SPAM1: variants seen among roughly 807,000 people sequenced by gnomAD.
SPAM1 encodes hyaluronidase PH-20.
SPAM1 carries 22 observed loss-of-function variants against 29.6 expected under a neutral mutation model. The ratio of observed to expected loss-of-function variants is 0.74; its 90% confidence interval spans 0.53 to 1.06. The LOEUF (loss-of-function observed/expected upper bound fraction) is 1.06. SPAM1 is among the 50% of genes least tolerant of loss of function. The pLI is 0.00. For missense variants in SPAM1, 534 were observed against 604.0 expected (o/e 0.88, Z 1.21); for synonymous variants, 194 against 204.6 (o/e 0.95, Z 0.44).
intron 4 of SPAM1, among the ~76,000 whole-genome samples, chr7:123,959,100 C>T (rs1351360065): frequency 6.6e-6 from 1 of 151,928 alleles, no homozygotes; most frequent in Non-Finnish European, 1.5e-5. Flanking sequence ...TAAGAAATTC[C>T]CAAGTTCCTA....
intron 1 of SPAM1, among the ~76,000 whole-genome samples, chr7:123,939,165 A>C (rs1808347440): frequency 6.7e-6 from 1 of 149,640 alleles, no homozygotes. Context: ...GGCTCACTGC[A>C]AGCTCCGCCT....
At chr7:123,968,918 A>T (rs1256795851) in intron 5 of SPAM1, among the ~76,000 whole-genome samples, 1 of 152,058 alleles carries the variant, frequency 6.6e-6, no homozygotes, top group Non-Finnish European at 1.5e-5. Context: ...ATTTCAGCTC[A>T]TATTTTTTGA....
chr7:123,938,766 T>C (rs1459158667), intron 1 of SPAM1, among the ~76,000 whole-genome samples: 1 of 152,208 alleles, frequency 6.6e-6, no homozygotes, highest in Non-Finnish European at 1.5e-5. Context: ...TGCAAACCCA[T>C]AGCCCTCATT....
chr7:123,953,293 G>T (rs765929614), intron 2 of SPAM1, 72 bp from the exon 3 acceptor site: 10 of 314,396 alleles, frequency 3.2e-5, no homozygotes, highest in Non-Finnish European at 5.2e-5. Context: ...ACTTAAAGTT[G>T]AGAACTTGGT....
chr7:123,950,129 T>C (rs528105825), intron 2 of SPAM1, 146 bp downstream of exon 2: 1 of 152,198 alleles, frequency 6.6e-6, no homozygotes, highest in East Asian at 1.9e-4. Flanking sequence ...GGAATACTAG[T>C]GGAGAGATAA....
At chr7:123,927,537 G>A (rs1047181150) in intron 1 of SPAM1, among the ~76,000 whole-genome samples, 33 of 152,288 alleles carry the variant, frequency 2.2e-4, no homozygotes, top group Non-Finnish European at 4.4e-4. Context: ...AGATGGGCAA[G>A]GCTGATTCAA....
At chr7:123,960,288 C>T (rs546771006), downstream of SPAM1, among the ~76,000 whole-genome samples, 1 of 152,036 alleles carries the variant, frequency 6.6e-6, no homozygotes, top group East Asian at 1.9e-4. Context: ...TCATTCTGCA[C>T]AAGATACTGA....
At chr7:123,934,221 G>A (rs915253220) in intron 1 of SPAM1, among the ~76,000 whole-genome samples, 7 of 152,060 alleles carry the variant, frequency 4.6e-5, no homozygotes, top group African/African-American at 1.7e-4. Context: ...ATTAAGGGAT[G>A]CATAACTGTA....
intron 1 of SPAM1, among the ~76,000 whole-genome samples, chr7:123,927,439 A>G (rs1369272601): frequency 6.6e-6 from 1 of 152,202 alleles, no homozygotes; most frequent in African/African-American, 2.4e-5. Context: ...ATAGCGATTT[A>G]GCATGGGCAG....
chr7:123,960,942 AATT>A (rs1204994376), downstream of SPAM1, among the ~76,000 whole-genome samples: 2 of 151,972 alleles, frequency 1.3e-5, no homozygotes, highest in African/African-American at 4.8e-5. Flanking sequence ...AAATTAAAAA[AATT>A]ATTATACATT....
At chr7:123,964,314 T>A (rs1261939591), downstream of SPAM1, among the ~76,000 whole-genome samples, 2 of 151,860 alleles carry the variant, frequency 1.3e-5, no homozygotes, top group African/African-American at 2.4e-5. Context: ...ATACAGGATA[T>A]ATTTAATAAT....
downstream of SPAM1, among the ~76,000 whole-genome samples, chr7:123,964,781 G>GA (rs1036632479): frequency 6.6e-6 from 1 of 151,954 alleles, no homozygotes; most frequent in African/African-American, 2.4e-5. Flanking sequence ...GTAAAAGCAG[G>GA]AAAAACTGTT....
chr7:123,925,614 C>A (rs1219584812), intron 1 of SPAM1: 1 of 151,848 alleles, frequency 6.6e-6, no homozygotes, highest in African/African-American at 2.4e-5. Flanking sequence ...TGAGGAATAA[C>A]CTCAGTCGTT....
At chr7:123,965,855 T>C (rs1295279735) in intron 5 of SPAM1, among the ~76,000 whole-genome samples, 1 of 152,090 alleles carries the variant, frequency 6.6e-6, no homozygotes, top group African/African-American at 2.4e-5. Context: ...AATGATAGTT[T>C]AATGGGAATA....
chr7:123,937,583 A>AGAGC lies in SPAM1; in HGVS notation c.-319+12234_-319+12235insCGAG, dbSNP rs1464645886. On this transcript the variant is annotated intron_variant, in intron 1 of 4. Transcript: ENST00000682466. Reference sequence around the variant, plus strand: ...GCCACTGCACTCCAGCCTGGGCAACAGAGACTCCATCTCAAAAAAAAAAAA... The same window carrying AGAGC: ...GCCACTGCACTCCAGCCTGGGCAACAGAGCGAGACTCCATCTCAAAAAAAAAAAA... Among the ~76,000 whole-genome samples, 5 of 135,256 alleles carry AGAGC rather than the reference A, an allele frequency of 3.7e-5. No individual in the cohort carries two copies. In the South Asian group the frequency reaches 1.3e-3, roughly 36 times the overall value. 88.7% of individuals were successfully genotyped at this position (135,256 alleles called of 152,430 possible).
At position 123,955,133 on chromosome 7, in the gene SPAM1, T is replaced by C; in HGVS notation, c.1044+47T>C. 2.3e-6 allele frequency: 3 copies of C among 1,315,060 alleles called. No individual in the cohort carries two copies. In the Middle Eastern group the frequency reaches 5.5e-4, roughly 241 times the overall value. 81.5% of individuals were successfully genotyped at this position (1,315,060 alleles called of 1,614,324 possible). A position where few individuals can be genotyped will look rare whatever the true frequency, so the allele number is the denominator to read the frequency against. ...TAGGTGAAAATATTTCTATGTTTAA[T>C]GTTTTTGGGGATTGTTTTGGTATTA... is the stretch of plus-strand genomic sequence containing the variant. On this transcript the variant is annotated intron_variant, in intron 4 of 4. Coordinates refer to ENST00000682466, the MANE Select transcript of SPAM1 (RefSeq NM_153189.3).
At chr7:123,950,847 C>T (rs1808736966) in intron 2 of SPAM1, among the ~76,000 whole-genome samples, 2 of 152,066 alleles carry the variant, frequency 1.3e-5, no homozygotes, top group African/African-American at 4.8e-5. Flanking sequence ...ATGCTGTTTT[C>T]CCTAGAGGTT....
In SPAM1 at chr7:123,954,111, C is replaced by T; in HGVS notation, c.541C>T (p.Leu181Phe). 1.2e-6 allele frequency: 2 copies of T among 1,612,864 alleles called. No individual in the cohort carries two copies. The highest frequency in any genetic ancestry group is 2.2e-5 in the South Asian group (2 of 90,982). ...TCAGCAACAAAATGTACAACTTAGTCTCACAGAGGCCACTGAGAAAGCAAA... is the reference window on the plus strand; with the variant it reads ...TCAGCAACAAAATGTACAACTTAGTTTCACAGAGGCCACTGAGAAAGCAAA... The part of the protein sequence containing the change: ...LVQQQNVQLS[L>F]TEATEKAKQE... Residue 181 changes from leucine (L) to phenylalanine (F), a missense_variant, in exon 3 of 5, where the codon CTC becomes TTC. By Grantham distance (22) the Leu-to-Phe change is conservative. Transcript: ENST00000682466.
intron 2 of SPAM1, among the ~76,000 whole-genome samples, chr7:123,952,077 G>T (rs971452254): frequency 6.6e-6 from 1 of 152,000 alleles, no homozygotes; most frequent in East Asian, 1.9e-4. Context: ...TAGTATTGAT[G>T]GTTGGTATTT....
Sources: gnomAD v4.1 joint callset for allele counts (sites outside exome capture counted in the v4.1 genomes callset) on GRCh38, gnomAD v4.1.1 for gene constraint, MANE v1.5 for transcripts, NCBI Gene and HGNC (gene_info 2026-07-23, HGNC 2026-07-21) for gene names.